Variants in SLC36A1 observed in about 807,000 individuals in gnomAD.
The protein encoded by SLC36A1 is solute carrier family 36 member 1.
A neutral mutation model predicts 47.5 loss-of-function variants in SLC36A1; 30 were observed. The ratio of observed to expected loss-of-function variants is 0.63; its 90% CI spans 0.47 to 0.86. SLC36A1 has a LOEUF of 0.86. Among genes scored for constraint, SLC36A1 ranks in the 40% least tolerant of loss-of-function variants. SLC36A1 has a pLI of 0.00. For missense variants in SLC36A1, 517 were observed against 606.0 expected, an observed-to-expected ratio of 0.85 and a Z score of 1.54; for synonymous variants, 255 against 249.7, an observed-to-expected ratio of 1.02 and a Z score of -0.20.
chr5:151,496,930 A>T (rs2127558364), downstream of SLC36A1, among the ~76,000 whole-genome samples: 1 of 152,328 alleles, frequency 6.6e-6, no homozygotes, highest in Admixed American at 6.5e-5. Context: ...GTCCATTGGT[A>T]GTATATAGAA....
chr5:151,452,630 A>T (rs919545550), intron 1 of SLC36A1: 3 of 152,340 alleles, frequency 2.0e-5, no homozygotes, highest in Middle Eastern at 3.4e-3. Flanking sequence ...TCACTTTGAG[A>T]GGCTGAGACA....
chr5:151,527,557 A>T, the SLC36A1 span, among the ~76,000 whole-genome samples: 1 of 152,064 alleles, frequency 6.6e-6, no homozygotes, highest in East Asian at 1.9e-4. Flanking sequence ...AATAGGTGTG[A>T]TTCCCTACTC....
intron 8 of SLC36A1, among the ~76,000 whole-genome samples, chr5:151,476,127 A>C (rs1478373136): frequency 6.6e-6 from 1 of 152,252 alleles, no homozygotes; most frequent in Non-Finnish European, 1.5e-5. Flanking sequence ...TGTCACTGCT[A>C]GTGCTTGCCC....
Position 151,447,821 on chromosome 5 carries a change from A to G in SLC36A1, c.-6+8A>G, listed in dbSNP as rs1015086436. ...GCGTGGCAGATGCTCCAGGTCAGGC[A>G]CTGGATCCGCCCGGGCTGTGGGTCC... is the stretch of plus-strand genomic sequence containing the variant. On this transcript the variant is annotated splice_region_variant and intron_variant, in intron 1 of 10. Transcript: ENST00000243389. 6 of 152,290 alleles carry G rather than the reference A, an allele frequency of 3.9e-5. No individual in the cohort carries two copies. Among genetic ancestry groups the G allele is most frequent in the African/African-American group, 1.2e-4 (5 of 41,464 alleles). The allele number at this position is 152,290 out of a possible 1,614,324, so 9.4% of individuals were successfully genotyped here. A position where few individuals can be genotyped will look rare whatever the true frequency, so the allele number is the denominator to read the frequency against.
chr5:151,493,157 C>T (rs1760238238), downstream of SLC36A1, among the ~76,000 whole-genome samples: 1 of 152,190 alleles, frequency 6.6e-6, no homozygotes, highest in African/African-American at 2.4e-5. Context: ...CTTCCCTTCC[C>T]TTTTTGTCAC....
the SLC36A1 span, among the ~76,000 whole-genome samples, chr5:151,528,934 G>C: frequency 1.3e-5 from 2 of 152,010 alleles, no homozygotes; most frequent in African/African-American, 4.8e-5. Context: ...CCTATCCCAT[G>C]CCCCATTCCA....
intron 1 of SLC36A1, among the ~76,000 whole-genome samples, chr5:151,451,819 C>T (rs1178882128): frequency 2.6e-5 from 4 of 152,140 alleles, no homozygotes; most frequent in African/African-American, 9.7e-5. Flanking sequence ...AGACCTAATC[C>T]TGCCCCAGGC....
chr5:151,356,124 A>C, the SLC36A1 span, among the ~76,000 whole-genome samples: 1 of 151,932 alleles, frequency 6.6e-6, no homozygotes, highest in Non-Finnish European at 1.5e-5. Context: ...GGATCACCTG[A>C]GGTCAGGTGT....
At chr5:151,427,403 G>A in the SLC36A1 span, among the ~76,000 whole-genome samples, 1 of 152,360 alleles carries the variant, frequency 6.6e-6, no homozygotes, top group East Asian at 1.9e-4. Context: ...TTCTCCACCA[G>A]CAGAGGGTGA....
chr5:151,546,484 G>A, the SLC36A1 span: 1 of 583,564 alleles, frequency 1.7e-6, no homozygotes, highest in Non-Finnish European at 3.0e-6. Context: ...ATAGTGTATA[G>A]AGTAGATACT....
chr5:151,518,968 A>T, the SLC36A1 span, among the ~76,000 whole-genome samples: 14 of 152,228 alleles, frequency 9.2e-5, no homozygotes, highest in African/African-American at 3.4e-4. Flanking sequence ...CCTAGCAAAG[A>T]GGAATTGTTG....
chr5:151,396,765 T>TTAGCAC, the SLC36A1 span, among the ~76,000 whole-genome samples: 1 of 152,210 alleles, frequency 6.6e-6, no homozygotes, highest in Non-Finnish European at 1.5e-5. Context: ...AGGTCTGCAC[T>TTAGCAC]TGGATTTATA....
chr5:151,522,112 C>T, the SLC36A1 span: 2 of 1,531,760 alleles, frequency 1.3e-6, no homozygotes, highest in Middle Eastern at 2.3e-4. Flanking sequence ...ACACTGCTGT[C>T]ACCCAACAGA....
chr5:151,550,947 G>A, the SLC36A1 span: 1 of 1,374,848 alleles, frequency 7.3e-7, no homozygotes, highest in East Asian at 2.3e-5. Flanking sequence ...GGACCTCCCT[G>A]TATCACCCAG....
chr5:151,497,849 G>A, the SLC36A1 span, among the ~76,000 whole-genome samples: 14 of 152,070 alleles, frequency 9.2e-5, no homozygotes, highest in Non-Finnish European at 1.5e-5. Flanking sequence ...GGCTGGAGTG[G>A]GGGATGGGGT....
chr5:151,415,991 C>T, the SLC36A1 span, among the ~76,000 whole-genome samples: 1 of 152,172 alleles, frequency 6.6e-6, no homozygotes, highest in Non-Finnish European at 1.5e-5. Flanking sequence ...CCTGTAATCC[C>T]AGCTACTGGG....
chr5:151,546,746 G>T, the SLC36A1 span, among the ~76,000 whole-genome samples: 1 of 151,610 alleles, frequency 6.6e-6, no homozygotes, highest in Non-Finnish European at 1.5e-5. Flanking sequence ...TAGAGTCAGG[G>T]TCTTTCCTGT....
At chr5:151,416,067 C>T in the SLC36A1 span, among the ~76,000 whole-genome samples, 1 of 152,216 alleles carries the variant, frequency 6.6e-6, no homozygotes, top group East Asian at 1.9e-4. Context: ...GATCGTGCCA[C>T]TGCACTCCAG....
the SLC36A1 span, chr5:151,534,461 G>A: frequency 6.2e-7 from 1 of 1,613,900 alleles, no homozygotes; most frequent in Non-Finnish European, 8.5e-7. Context: ...TCACTGTGGT[G>A]TTGTCGAAGA....
Sources: allele counts gnomAD v4.1 joint callset (sites outside exome capture counted in the v4.1 genomes callset), GRCh38; gene constraint gnomAD v4.1.1; transcripts MANE v1.5; gene names NCBI Gene and HGNC (gene_info 2026-07-23, HGNC 2026-07-21).